The following PATJ variants were observed in gnomAD, a reference collection of about 807,000 sequenced individuals.
The protein encoded by PATJ is inaD-like protein.
Under a neutral mutation model 224.9 loss-of-function variants are expected in PATJ, and 190 were observed. The observed-to-expected ratio is 0.84, with a 90% CI of 0.75 to 0.95. The LOEUF is 0.95. Ranked by LOEUF, PATJ falls within the 40% of genes least tolerant of loss-of-function variation. The pLI is 0.00. For missense variants in PATJ, 2,121 were observed against 2,270.3 expected (o/e 0.93, Z 1.34); for synonymous variants, 769 against 820.3 (o/e 0.94, Z 1.07).
chr1:62,054,972 T>C (rs1654296318), intron 31 of PATJ, among the ~76,000 whole-genome samples: 1 of 152,008 alleles, frequency 6.6e-6, no homozygotes, highest in Non-Finnish European at 1.5e-5. Flanking sequence ...GGAGAATCGC[T>C]TGAATCTGGG....
chr1:61,994,284 G>T (rs1423156970), intron 28 of PATJ, among the ~76,000 whole-genome samples: 7 of 152,186 alleles, frequency 4.6e-5, no homozygotes. Flanking sequence ...AGAGCTTCCA[G>T]TCTAGTGATT....
chr1:61,951,122 G>A (rs911424850), intron 27 of PATJ, among the ~76,000 whole-genome samples: 2 of 151,696 alleles, frequency 1.3e-5, no homozygotes, highest in Admixed American at 6.6e-5. Context: ...TTCAGCCTGG[G>A]CAACAGAGCT....
chr1:61,777,483 T>G (rs1228482430), intron 7 of PATJ, among the ~76,000 whole-genome samples: 1 of 151,916 alleles, frequency 6.6e-6, no homozygotes, highest in Non-Finnish European at 1.5e-5. Context: ...GAGCCGAGAT[T>G]GTGGCACTGA....
At chr1:61,973,657 A>C (rs1311362988) in intron 27 of PATJ, among the ~76,000 whole-genome samples, 2 of 151,888 alleles carry the variant, frequency 1.3e-5, no homozygotes, top group Admixed American at 1.3e-4. Flanking sequence ...ACTTAGCCCA[A>C]CCCCAGCACA....
chr1:61,774,850 A>T (rs1646827390), intron 6 of PATJ, among the ~76,000 whole-genome samples: 1 of 152,166 alleles, frequency 6.6e-6, no homozygotes, highest in Admixed American at 6.5e-5. Context: ...TTTCAAGCAG[A>T]CACATATTTA....
intron 33 of PATJ, among the ~76,000 whole-genome samples, chr1:62,093,985 T>C (rs909566521): frequency 7.9e-5 from 12 of 152,264 alleles, no homozygotes; most frequent in Admixed American, 7.2e-4. Context: ...GCAGTTCTTA[T>C]GTTAGCCATG....
At chr1:61,981,760 C>T (rs1644463968) in intron 27 of PATJ, among the ~76,000 whole-genome samples, 1 of 151,800 alleles carries the variant, frequency 6.6e-6, no homozygotes, top group Non-Finnish European at 1.5e-5. Context: ...CAAGCTCCGC[C>T]TCCCAGATTC....
chr1:61,902,925 A>G (rs1671387402), intron 24 of PATJ, among the ~76,000 whole-genome samples: 1 of 152,142 alleles, frequency 6.6e-6, no homozygotes, highest in African/African-American at 2.4e-5. Flanking sequence ...TATATGGAGG[A>G]AGAAAAACAT....
intron 17 of PATJ, among the ~76,000 whole-genome samples, chr1:61,845,173 T>C (rs971583008): frequency 6.6e-6 from 1 of 152,268 alleles, no homozygotes; most frequent in Non-Finnish European, 1.5e-5. Context: ...TAAAACACTT[T>C]AGGTATATTG....
intron 15 of PATJ, among the ~76,000 whole-genome samples, chr1:61,823,956 G>A (rs1279556560): frequency 1.3e-5 from 2 of 152,150 alleles, no homozygotes; most frequent in African/African-American, 4.8e-5. Flanking sequence ...TTGGAGTCCT[G>A]TTTTAAGATG....
At chr1:61,990,117 A>G (rs1644978970) in intron 27 of PATJ, 51 bp from the exon 28 acceptor site, 2 of 1,287,234 alleles carry the variant, frequency 1.6e-6, no homozygotes, top group African/African-American at 3.0e-5. Flanking sequence ...TGACATCTCA[A>G]TAATACAGAT....
chr1:61,992,586 T>C (rs1645133966), intron 28 of PATJ, among the ~76,000 whole-genome samples: 1 of 152,186 alleles, frequency 6.6e-6, no homozygotes. Flanking sequence ...CCAAAGGCTA[T>C]AATTTGGAAT....
At chr1:61,905,030 G>A (rs1193911200) in intron 24 of PATJ, among the ~76,000 whole-genome samples, 1 of 152,292 alleles carries the variant, frequency 6.6e-6, no homozygotes, top group South Asian at 2.1e-4. Context: ...AGACTTGCTT[G>A]GGCAACATAG....
chr1:62,155,940 C>A (rs985631481), intron 43 of PATJ, among the ~76,000 whole-genome samples: 1 of 151,066 alleles, frequency 6.6e-6, no homozygotes, highest in African/African-American at 2.4e-5. Flanking sequence ...CGCCTGTAGT[C>A]CCAGCTACTC....
At chr1:62,075,217 G>T (rs1291005003) in intron 31 of PATJ, among the ~76,000 whole-genome samples, 2 of 152,164 alleles carry the variant, frequency 1.3e-5, no homozygotes, top group Admixed American at 1.3e-4. Flanking sequence ...CTGCAGTGAG[G>T]CTGGCAGCTC....
In PATJ at chr1:62,042,101, C is replaced by G. The variant is rs60496532; in HGVS notation, c.4032+4052C>G. On this transcript the variant is annotated intron_variant, in intron 30 of 43. Coordinates refer to ENST00000642238, the MANE Select transcript of PATJ (RefSeq NM_001350145.3). ...GTCTTAAGTTTCAAGAACATTATCACGTATCTTAATCAAATTTGTGTGCCA... is the reference window on the plus strand; with the variant it reads ...GTCTTAAGTTTCAAGAACATTATCAGGTATCTTAATCAAATTTGTGTGCCA... Among the ~76,000 whole-genome samples the G allele has an allele frequency of 1.8e-3, 268 of 152,212 alleles. 1 individual carries two copies. The highest frequency in any genetic ancestry group is 6.2e-3 in the African/African-American group (258 of 41,518).
chr1:61,945,611 C>T (rs1427627141), intron 27 of PATJ, among the ~76,000 whole-genome samples: 1 of 152,166 alleles, frequency 6.6e-6, no homozygotes, highest in Non-Finnish European at 1.5e-5. Context: ...GAGACTTAGA[C>T]TCCCACACAA....
chr1:62,150,679 G>GAAAAAAAA (rs56167585), intron 42 of PATJ, among the ~76,000 whole-genome samples: 3 of 82,004 alleles, frequency 3.7e-5, no homozygotes, highest in African/African-American at 5.0e-5. Flanking sequence ...CCTGTCTCAA[G>GAAAAAAAA]AAAAAAAAAA....
intron 1 of PATJ, among the ~76,000 whole-genome samples, chr1:61,754,520 G>GTTTTT: frequency 1.1e-5 from 1 of 94,448 alleles, no homozygotes; most frequent in Non-Finnish European, 2.1e-5. Flanking sequence ...TTTTTTGCAT[G>GTTTTT]TTTTTTTTTT....
Sources: allele counts gnomAD v4.1 joint callset (sites outside exome capture counted in the v4.1 genomes callset), GRCh38; gene constraint gnomAD v4.1.1; transcripts MANE v1.5; gene names NCBI Gene and HGNC (gene_info 2026-07-23, HGNC 2026-07-21).